Variants in COPS4 observed in about 807,000 individuals in gnomAD.
The protein encoded by COPS4 is COP9 signalosome complex subunit 4.
COPS4 carries 8 observed loss-of-function variants against 55.1 expected under a neutral mutation model. The ratio of observed to expected loss-of-function variants is 0.15; its 90% CI spans 0.09 to 0.26. The LOEUF is 0.26. Among genes scored for constraint, COPS4 ranks in the 10% least tolerant of loss-of-function variants. COPS4 has a pLI of 1.00. For synonymous variants in COPS4, 185 were observed against 165.7 expected (o/e 1.12, Z -0.90); for missense variants, 248 against 484.0 (o/e 0.51, Z 4.58).
chr4:83,066,821 C>G (rs921455978), intron 8 of COPS4, among the ~76,000 whole-genome samples: 2 of 152,114 alleles, frequency 1.3e-5, no homozygotes, highest in Admixed American at 1.3e-4. Flanking sequence ...GAATAGAAGT[C>G]TTTCAGGAGT....
intron 4 of COPS4, among the ~76,000 whole-genome samples, chr4:83,050,735 A>AG (rs1377206197): frequency 6.6e-6 from 1 of 152,114 alleles, no homozygotes; most frequent in Non-Finnish European, 1.5e-5. Context: ...GAGTGAGCAA[A>AG]GGGGCAAGAG....
chr4:83,070,383 T>A (rs919447991), intron 9 of COPS4, among the ~76,000 whole-genome samples: 4 of 152,336 alleles, frequency 2.6e-5, no homozygotes, highest in African/African-American at 9.6e-5. Flanking sequence ...ACTACTAAGG[T>A]GTTTCTACCT....
chr4:83,041,735 G>A (rs186221777), intron 1 of COPS4, among the ~76,000 whole-genome samples: 88 of 152,124 alleles, frequency 5.8e-4, no homozygotes, highest in Non-Finnish European at 1.1e-3. Context: ...CCAAAGTGCT[G>A]GGATTGCAGG....
At chr4:83,050,111 G>A (rs1730853093) in intron 4 of COPS4, 127 bp downstream of exon 4, 1 of 602,092 alleles carries the variant, frequency 1.7e-6, no homozygotes, top group Non-Finnish European at 2.8e-6. Flanking sequence ...TAGTATGTTA[G>A]AAGGTGATAA....
chr4:83,064,974 A>AC, intron 7 of COPS4: 1 of 412,754 alleles, frequency 2.4e-6, no homozygotes, highest in Non-Finnish European at 4.5e-6. Context: ...TGCAGCCTCC[A>AC]CCTCTTGGGG....
chr4:83,053,466 T>G (rs1356237206), intron 4 of COPS4, among the ~76,000 whole-genome samples: 2 of 151,696 alleles, frequency 1.3e-5, no homozygotes, highest in African/African-American at 4.8e-5. Flanking sequence ...ATGTAAGGGA[T>G]AAGTGGTTTG....
At chr4:83,035,468 C>G in intron 1 of COPS4, 170 bp downstream of exon 1, 1 of 447,336 alleles carries the variant, frequency 2.2e-6, no homozygotes, top group Non-Finnish European at 4.3e-6. Context: ...AAGCAGAAAG[C>G]TGGAGGGGAC....
intron 7 of COPS4, chr4:83,064,953 C>G (rs1169525804): frequency 2.9e-5 from 8 of 280,084 alleles, no homozygotes; most frequent in Non-Finnish European, 5.6e-5. Context: ...TGGCATGATG[C>G]CATAGCTCAC....
intron 4 of COPS4, among the ~76,000 whole-genome samples, chr4:83,055,143 A>G (rs186904524): frequency 2.2e-4 from 34 of 152,386 alleles, no homozygotes; most frequent in Admixed American, 1.4e-3. Context: ...TGTTCTTGCC[A>G]CATGGTGGCA....
intron 2 of COPS4, 58 bp from the exon 3 acceptor site, chr4:83,049,108 T>C (rs1730793289): frequency 1.3e-6 from 2 of 1,495,362 alleles, no homozygotes; most frequent in Non-Finnish European, 1.8e-6. Flanking sequence ...AAAGGTTGAT[T>C]GTTTAATGAC....
At chr4:83,038,245 A>C (rs1730475236) in intron 1 of COPS4, among the ~76,000 whole-genome samples, 1 of 152,262 alleles carries the variant, frequency 6.6e-6, no homozygotes, top group South Asian at 2.1e-4. Flanking sequence ...TCTAGAGTTT[A>C]CTGTGCGAAG....
intron 9 of COPS4, among the ~76,000 whole-genome samples, chr4:83,069,515 A>G (rs564960909): frequency 2.6e-5 from 4 of 152,208 alleles, no homozygotes; most frequent in Non-Finnish European, 5.9e-5. Flanking sequence ...TCAGCACTAC[A>G]TAGGATTCAT....
At position 83,066,496 on chromosome 4, in the gene COPS4, A is replaced by G. The variant is rs771137769; in HGVS notation, c.945A>G (p.Leu315=). The stretch of plus-strand genomic sequence containing the variant: ...ACAATTTGTTGTCTGCAAGCAAATT[A>G]TATAATAATATTACCTTCGAAGAAC... ...IEHNLLSASK[L]YNNITFEELG... The change falls in exon 8 of 10, where the codon TTA becomes TTG. Residue 315 remains leucine, a synonymous_variant. Transcript: ENST00000264389. 12 of 1,602,100 alleles carry G rather than the reference A, an allele frequency of 7.5e-6. No homozygotes were observed. The Admixed American group carries it at 1.9e-4, about 25-fold the overall frequency.
chr4:83,045,533 C>T (rs778224949), intron 1 of COPS4, 93 bp from the exon 2 acceptor site: 8 of 984,154 alleles, frequency 8.1e-6, no homozygotes, highest in African/African-American at 1.6e-5. Context: ...ATGAAAGAAA[C>T]CAAGGTATGT....
intron 6 of COPS4, among the ~76,000 whole-genome samples, chr4:83,058,855 A>G (rs189081021): frequency 6.6e-6 from 1 of 152,350 alleles, no homozygotes; most frequent in African/African-American, 2.4e-5. Context: ...ATCCAAAGGT[A>G]CATACTTTTG....
chr4:83,038,959 T>C (rs1397551367), intron 1 of COPS4, among the ~76,000 whole-genome samples: 1 of 152,256 alleles, frequency 6.6e-6, no homozygotes, highest in Non-Finnish European at 1.5e-5. Context: ...TACCTGTTTT[T>C]AAGATTTTGT....
At chr4:83,040,431 G>T (rs1197233061) in intron 1 of COPS4, among the ~76,000 whole-genome samples, 2 of 152,194 alleles carry the variant, frequency 1.3e-5, no homozygotes, top group Admixed American at 6.5e-5. Context: ...TGGTTTACCT[G>T]GGTGGTCTTG....
chr4:83,067,301 C>T (rs1392155648), intron 8 of COPS4, among the ~76,000 whole-genome samples: 2 of 151,752 alleles, frequency 1.3e-5, no homozygotes, highest in African/African-American at 4.8e-5. Context: ...GAGTGCAGTG[C>T]TGCAATCTCG....
At chr4:83,052,883 A>G (rs1730920608) in intron 4 of COPS4, among the ~76,000 whole-genome samples, 1 of 152,168 alleles carries the variant, frequency 6.6e-6, no homozygotes, top group African/African-American at 2.4e-5. Flanking sequence ...CACCATGCCC[A>G]GCCTTGCTTC....
Sources: gnomAD v4.1 joint callset for allele counts (sites outside exome capture counted in the v4.1 genomes callset) on GRCh38, gnomAD v4.1.1 for gene constraint, MANE v1.5 for transcripts, NCBI Gene and HGNC (gene_info 2026-07-23, HGNC 2026-07-21) for gene names.